The following MARK1 variants were observed in gnomAD, a reference collection of about 807,000 sequenced individuals.
MARK1 encodes serine/threonine-protein kinase MARK1.
A neutral mutation model predicts 96.3 loss-of-function variants in MARK1; 40 were observed. The ratio of observed to expected loss-of-function variants is 0.42; its 90% CI spans 0.32 to 0.54. The LOEUF (loss-of-function observed/expected upper bound fraction) is 0.54, where lower values mean the gene tolerates loss of function less well. MARK1 is among the 20% of genes least tolerant of loss of function. The pLI is 0.16. For missense variants in MARK1, 719 were observed against 984.6 expected, an observed-to-expected ratio of 0.73 and a Z score of 3.61; for synonymous variants, 317 against 341.2, an observed-to-expected ratio of 0.93 and a Z score of 0.78.
rs374542039 is a variant in MARK1, at chr1:220,562,045, T to C, written c.52-17309T>C. 1.3e-4 allele frequency among the ~76,000 whole-genome samples: 20 copies of C among 152,190 alleles called. No individual in the cohort carries two copies. In the East Asian group the frequency reaches 1.7e-3, roughly 13 times the overall value. On this transcript the variant is annotated intron_variant, in intron 1 of 17. Coordinates refer to ENST00000366917, the MANE Select transcript of MARK1 (RefSeq NM_018650.5). Reference sequence around the variant, plus strand: ...GTATGCATTTGCATATGCATACAAATATATATTTTTTATTTGCTGAAGACC... The same window carrying C: ...GTATGCATTTGCATATGCATACAAACATATATTTTTTATTTGCTGAAGACC...
chr1:220,584,967 G>A (rs892628887), intron 3 of MARK1, among the ~76,000 whole-genome samples: 5 of 152,050 alleles, frequency 3.3e-5, no homozygotes, highest in Non-Finnish European at 5.9e-5. Context: ...TCACATGTGT[G>A]GATCATTTGA....
rs144155753 is a variant in MARK1, at chr1:220,642,923, A to G, written c.1470+6897A>G. Among the ~76,000 whole-genome samples, 313 of 152,280 alleles carry G rather than the reference A, an allele frequency of 2.1e-3. 1 individual carries two copies. Among genetic ancestry groups the G allele is most frequent in the African/African-American group, 7.1e-3 (295 of 41,562 alleles). On this transcript the variant is annotated intron_variant, in intron 13 of 17. Transcript: ENST00000366917. ...AGAAAGCAACGACAAGTACATCAAA[A>G]AAGACCCCACAAAAACCCCATCCAA...
At chr1:220,657,919 T>C in intron 17 of MARK1, 85 bp downstream of exon 17, 1 of 978,484 alleles carries the variant, frequency 1.0e-6, no homozygotes, top group Non-Finnish European at 1.4e-6. Context: ...TTAATGATCA[T>C]GAATAGATCT....
intron 13 of MARK1, among the ~76,000 whole-genome samples, chr1:220,647,467 T>C (rs546093952): frequency 6.6e-6 from 1 of 152,264 alleles, no homozygotes; most frequent in African/African-American, 2.4e-5. Context: ...AGTTCAACCA[T>C]TGTGGAAGAC....
chr1:220,546,014 AG>A (rs560387555), intron 1 of MARK1, among the ~76,000 whole-genome samples: 25 of 152,196 alleles, frequency 1.6e-4, no homozygotes, highest in Non-Finnish European at 3.1e-4. Context: ...GAGCTGATTG[AG>A]TTCTTCACCC....
intron 1 of MARK1, among the ~76,000 whole-genome samples, chr1:220,561,372 T>C (rs758656925): frequency 1.1e-4 from 16 of 145,732 alleles, no homozygotes; most frequent in Middle Eastern, 3.6e-3. Flanking sequence ...ATTTCTGTGA[T>C]TTTTTTTTTA....
intron 13 of MARK1, among the ~76,000 whole-genome samples, chr1:220,649,227 C>CTT (rs967100858): frequency 3.2e-4 from 47 of 147,244 alleles, no homozygotes; most frequent in African/African-American, 1.1e-3. Context: ...TGGACCAAGT[C>CTT]TTTTTTTTTT....
chr1:220,635,123 G>C (rs566224416), intron 11 of MARK1, among the ~76,000 whole-genome samples: 1 of 152,022 alleles, frequency 6.6e-6, no homozygotes, highest in Admixed American at 6.6e-5. Context: ...CTGTTATTTC[G>C]TATTTTGACT....
chr1:220,528,974 A>T, intron 1 of MARK1, 101 bp downstream of exon 1: 3 of 1,243,164 alleles, frequency 2.4e-6, no homozygotes, highest in Non-Finnish European at 3.3e-6. Flanking sequence ...CGGCGCGGCC[A>T]CCCGCGGCAG....
chr1:220,540,745 G>A (rs971241317), intron 1 of MARK1, among the ~76,000 whole-genome samples: 4 of 150,742 alleles, frequency 2.7e-5, no homozygotes, highest in Admixed American at 2.6e-4. Flanking sequence ...TCAAAGGTTT[G>A]TCAAATTTGT....
At chr1:220,593,245 T>TA (rs978005036) in intron 3 of MARK1, among the ~76,000 whole-genome samples, 11 of 152,164 alleles carry the variant, frequency 7.2e-5, no homozygotes, top group Non-Finnish European at 4.4e-5. Flanking sequence ...ACACTATTTT[T>TA]AAAAAATTAT....
At chr1:220,611,296 C>G (rs1335203713) in intron 6 of MARK1, among the ~76,000 whole-genome samples, 2 of 152,238 alleles carry the variant, frequency 1.3e-5, no homozygotes, top group East Asian at 1.9e-4. Flanking sequence ...TTCCCCTCCC[C>G]CAGCCAGGCT....
intron 1 of MARK1, among the ~76,000 whole-genome samples, chr1:220,546,107 C>A (rs1345006275): frequency 6.6e-6 from 1 of 152,178 alleles, no homozygotes; most frequent in African/African-American, 2.4e-5. Flanking sequence ...ACTTTTCCAT[C>A]TATTGACCCT....
At chr1:220,549,785 T>C (rs1030854284) in intron 1 of MARK1, among the ~76,000 whole-genome samples, 4 of 152,250 alleles carry the variant, frequency 2.6e-5, no homozygotes, top group African/African-American at 9.6e-5. Flanking sequence ...AGCTCAGCCT[T>C]TTACAAGGTG....
In MARK1 at chr1:220,664,159, A is replaced by G. The variant is rs1669624603; in HGVS notation, c.*1993A>G. 6.6e-6 allele frequency: 1 copy of G among 152,186 alleles called. No individual in the cohort carries two copies. Among genetic ancestry groups the G allele is most frequent in the East Asian group, 1.9e-4 (1 of 5,200 alleles). The allele number at this position is 152,186 out of a possible 1,614,324, so 9.4% of individuals were successfully genotyped here. ...TAGACTCATGTGTTTTCCACGGTAG[A>G]AACTGATATTTTTTTACATTTTCTC... On this transcript the variant is annotated 3_prime_UTR_variant, in exon 18 of 18. Transcript: ENST00000366917.
In MARK1 at chr1:220,549,617, TGCAGGCG is replaced by T. The variant is rs930162591; in HGVS notation, c.51+20747_51+20753del. On this transcript the variant is annotated intron_variant, in intron 1 of 17. Coordinates refer to ENST00000366917, the MANE Select transcript of MARK1 (RefSeq NM_018650.5). Reference sequence around the variant, plus strand: ...AGGGCCACTGTGAAGCTGAATTATCTGCAGGCGGCTTGGTAAGCAGGGAATTAGAGCA... The same window carrying T: ...AGGGCCACTGTGAAGCTGAATTATCTGCTTGGTAAGCAGGGAATTAGAGCA... 3.9e-5 allele frequency among the ~76,000 whole-genome samples: 6 copies of T among 152,242 alleles called. No individual in the cohort carries two copies. The East Asian group carries it at 5.8e-4, about 15-fold the overall frequency.
intron 16 of MARK1, among the ~76,000 whole-genome samples, chr1:220,653,828 A>G (rs910012894): frequency 2.2e-4 from 34 of 152,060 alleles, no homozygotes; most frequent in African/African-American, 7.7e-4. Flanking sequence ...TATCATCAAA[A>G]CATAGTAAAC....
chr1:220,543,400 C>A (rs1279846932), intron 1 of MARK1, among the ~76,000 whole-genome samples: 1 of 152,094 alleles, frequency 6.6e-6, no homozygotes, highest in Non-Finnish European at 1.5e-5. Context: ...CAATATATTT[C>A]CAAAAATTTT....
At position 220,599,820 on chromosome 1, in the gene MARK1, A is replaced by G. The variant is rs1185178793; in HGVS notation, c.381A>G (p.Glu127=). Reference sequence around the variant, plus strand: ...CAGTAAAATTGTTTGAAGTTATTGAAACAGAGAAGACTCTCTATTTAGTCA... The same window carrying G: ...CAGTAAAATTGTTTGAAGTTATTGAGACAGAGAAGACTCTCTATTTAGTCA... ...PNIVKLFEVI[E]TEKTLYLVME... Residue 127 remains glutamate (E), a synonymous_variant, in exon 5 of 18, where the codon GAA becomes GAG. Transcript: ENST00000366917. The G allele has an allele frequency of 2.5e-6, 4 of 1,608,328 alleles. No individual in the cohort carries two copies. The African/African-American group carries it at 4.0e-5, about 16-fold the overall frequency.
Sources: gnomAD v4.1 joint callset for allele counts (sites outside exome capture counted in the v4.1 genomes callset) on GRCh38, gnomAD v4.1.1 for gene constraint, MANE v1.5 for transcripts, NCBI Gene and HGNC (gene_info 2026-07-23, HGNC 2026-07-21) for gene names.